Variants in CCSER1 observed in about 807,000 individuals in gnomAD.
CCSER1 encodes the protein coiled-coil serine rich protein 1.
Under a neutral mutation model 82.0 loss-of-function variants are expected in CCSER1, and 41 were observed. The observed-to-expected ratio is 0.50, with a 90% CI of 0.39 to 0.65. CCSER1 has a LOEUF of 0.65. Ranked by LOEUF, CCSER1 falls within the 30% of genes least tolerant of loss-of-function variation. The pLI, the probability that CCSER1 is intolerant of heterozygous loss-of-function variation, is 0.00. For missense variants in CCSER1, 1,119 were observed against 1,064.2 expected (o/e 1.05, Z -0.72); for synonymous variants, 414 against 383.9 (o/e 1.08, Z -0.92).
chr4:90,753,232 C>A (rs973502609), intron 7 of CCSER1, among the ~76,000 whole-genome samples: 4 of 152,194 alleles, frequency 2.6e-5, no homozygotes, highest in Middle Eastern at 3.4e-3. Flanking sequence ...GTAGATTCCC[C>A]TGTTGCCTCT....
At chr4:91,318,144 A>G (rs1469206691) in intron 10 of CCSER1, among the ~76,000 whole-genome samples, 1 of 151,918 alleles carries the variant, frequency 6.6e-6, no homozygotes, top group African/African-American at 2.4e-5. Context: ...AGTACTCTGT[A>G]TGGATGTGAG....
At chr4:91,182,749 A>G (rs1235087138) in intron 10 of CCSER1, among the ~76,000 whole-genome samples, 1 of 152,234 alleles carries the variant, frequency 6.6e-6, no homozygotes, top group Non-Finnish European at 1.5e-5. Flanking sequence ...TTTGATGTGT[A>G]GCCCAAAGTG....
At chr4:91,131,783 A>G (rs772208838) in intron 10 of CCSER1, among the ~76,000 whole-genome samples, 2 of 152,042 alleles carry the variant, frequency 1.3e-5, no homozygotes, top group African/African-American at 2.4e-5. Flanking sequence ...CTAGTCTTTC[A>G]ACTTTTCTGA....
intron 10 of CCSER1, among the ~76,000 whole-genome samples, chr4:91,436,952 T>C (rs1022316918): frequency 8.5e-5 from 13 of 152,226 alleles, no homozygotes; most frequent in African/African-American, 2.4e-4. Flanking sequence ...CTTCCTACTT[T>C]CATGTGTTAC....
chr4:91,430,128 G>C (rs1578430938), intron 10 of CCSER1, among the ~76,000 whole-genome samples: 1 of 152,044 alleles, frequency 6.6e-6, no homozygotes, highest in Non-Finnish European at 1.5e-5. Flanking sequence ...AAATATCTTG[G>C]TTGGGATACT....
intron 10 of CCSER1, among the ~76,000 whole-genome samples, chr4:91,163,785 T>C (rs1731717909): frequency 6.6e-6 from 1 of 152,172 alleles, no homozygotes; most frequent in Non-Finnish European, 1.5e-5. Context: ...ATTTGCTTGG[T>C]AGATCTTCCT....
At chr4:90,128,494 CGTGTGTGTGT>C (rs147426828) in intron 1 of CCSER1, among the ~76,000 whole-genome samples, 61 of 150,066 alleles carry the variant, frequency 4.1e-4, no homozygotes, top group South Asian at 6.3e-4. Context: ...AGGTTGTGTG[CGTGTGTGTGT>C]GTGTGTGTGT....
intron 4 of CCSER1, chr4:90,403,989 C>T (rs188936865): frequency 6.9e-4 from 105 of 152,268 alleles, no homozygotes; most frequent in African/African-American, 2.3e-3. Flanking sequence ...ATTGGATCAC[C>T]GCCACAGGCT....
chr4:91,106,280 G>A (rs1404175871), intron 10 of CCSER1, among the ~76,000 whole-genome samples: 3 of 152,150 alleles, frequency 2.0e-5, no homozygotes, highest in Non-Finnish European at 2.9e-5. Context: ...CAGAAGAAAT[G>A]AAATCAGAAA....
At chr4:90,324,529 C>A (rs1337149021) in intron 3 of CCSER1, among the ~76,000 whole-genome samples, 1 of 150,142 alleles carries the variant, frequency 6.7e-6, no homozygotes, top group Non-Finnish European at 1.5e-5. Context: ...TTGTTTTTTT[C>A]TTGTAAATTT....
At chr4:90,991,541 C>G (rs72884736) in intron 9 of CCSER1, among the ~76,000 whole-genome samples, 7,671 of 151,988 alleles carry the variant, frequency 0.05, 487 homozygotes, top group African/African-American at 0.15. Flanking sequence ...TGTCTTCTCT[C>G]TATGTCAGTA....
At chr4:91,195,937 C>G (rs538869450) in intron 10 of CCSER1, among the ~76,000 whole-genome samples, 2 of 151,930 alleles carry the variant, frequency 1.3e-5, no homozygotes, top group South Asian at 4.1e-4. Flanking sequence ...CCAGGATGGT[C>G]TCGATCTCCT....
chr4:90,350,213 C>G (rs766520615), intron 3 of CCSER1, among the ~76,000 whole-genome samples: 3 of 151,896 alleles, frequency 2.0e-5, no homozygotes, highest in Admixed American at 6.6e-5. Flanking sequence ...ATAGAGAAGA[C>G]GAATATGAAC....
At chr4:90,978,267 G>C (rs1168726589) in intron 9 of CCSER1, among the ~76,000 whole-genome samples, 1 of 151,604 alleles carries the variant, frequency 6.6e-6, no homozygotes, top group Non-Finnish European at 1.5e-5. Context: ...ATGGTAAAAA[G>C]AGGATAATAA....
At chr4:90,474,139 C>CAAA (rs113535187) in intron 5 of CCSER1, among the ~76,000 whole-genome samples, 2,031 of 101,972 alleles carry the variant, frequency 0.02, 64 homozygotes, top group African/African-American at 0.061. Context: ...GATTCCCTCT[C>CAAA]AAAAAAAAAA....
At chr4:90,691,051 G>A (rs1735728094) in intron 6 of CCSER1, among the ~76,000 whole-genome samples, 1 of 152,062 alleles carries the variant, frequency 6.6e-6, no homozygotes, top group African/African-American at 2.4e-5. Flanking sequence ...GATGGTTGCT[G>A]TGAGAGTTAT....
At chr4:91,130,064 A>C (rs761947133) in intron 10 of CCSER1, 4 of 151,966 alleles carry the variant, frequency 2.6e-5, no homozygotes, top group Non-Finnish European at 4.4e-5. Flanking sequence ...ACAATTTTAA[A>C]TATGTATTAT....
At chr4:91,593,384 A>C (rs1356445773) in intron 10 of CCSER1, among the ~76,000 whole-genome samples, 1 of 151,986 alleles carries the variant, frequency 6.6e-6, no homozygotes, top group Non-Finnish European at 1.5e-5. Context: ...AATTTTGTAT[A>C]CAGAAAGCCA....
intron 10 of CCSER1, among the ~76,000 whole-genome samples, chr4:91,336,816 T>C (rs1269351747): frequency 6.6e-6 from 1 of 152,112 alleles, no homozygotes; most frequent in Non-Finnish European, 1.5e-5. Context: ...ATGTTAAACT[T>C]TACTGACCTC....
Sources: gnomAD v4.1 joint callset for allele counts (sites outside exome capture counted in the v4.1 genomes callset) on GRCh38, gnomAD v4.1.1 for gene constraint, MANE v1.5 for transcripts, NCBI Gene and HGNC (gene_info 2026-07-23, HGNC 2026-07-21) for gene names.